THBS4: variants seen among roughly 807,000 people sequenced by gnomAD.
THBS4 encodes thrombospondin 4, also known as thrombospondin-4.
A neutral mutation model predicts 115.7 loss-of-function variants in THBS4; 90 were observed. The ratio of observed to expected loss-of-function variants is 0.78; its 90% CI spans 0.66 to 0.93. The LOEUF is 0.93. THBS4 is among the 40% of genes least tolerant of loss of function. The pLI, the probability that THBS4 is intolerant of heterozygous loss-of-function variation, is 0.00. For missense variants in THBS4, 1,087 were observed against 1,232.7 expected, an observed-to-expected ratio of 0.88 and a Z score of 1.77; for synonymous variants, 460 against 479.3, an observed-to-expected ratio of 0.96 and a Z score of 0.53.
intron 7 of THBS4, among the ~76,000 whole-genome samples, chr5:80,061,211 G>C (rs1027448809): frequency 6.6e-6 from 1 of 152,154 alleles, no homozygotes; most frequent in Non-Finnish European, 1.5e-5. Flanking sequence ...GAATAGCATG[G>C]ACTTGACAGG....
At chr5:80,058,921 C>T in intron 5 of THBS4, 131 bp downstream of exon 5, 4 of 807,686 alleles carry the variant, frequency 5.0e-6, no homozygotes, top group Non-Finnish European at 5.8e-6. Context: ...CCCACGCAGC[C>T]CCGCACGCCA....
rs779352172 is a variant in THBS4 at position 80,082,389 on chromosome 5, G to A, written c.2685-17G>A. On this transcript the variant is annotated splice_polypyrimidine_tract_variant and intron_variant, in intron 20 of 21. Coordinates refer to ENST00000350881, the MANE Select transcript of THBS4 (RefSeq NM_003248.6). The stretch of plus-strand genomic sequence containing the variant: ...GGTTGGATTTCATGGAGGCCCCTCC[G>A]GCCGTGTTGTCCGCAGGGTACGATT... 2.5e-5 allele frequency: 40 copies of A among 1,612,496 alleles called. No homozygotes were observed. Among genetic ancestry groups the A allele is most frequent in the South Asian group, 2.2e-4 (20 of 90,948 alleles).
chr5:79,997,188 A>G (rs1031626880), intron 1 of THBS4, among the ~76,000 whole-genome samples: 1 of 152,210 alleles, frequency 6.6e-6, no homozygotes, highest in Non-Finnish European at 1.5e-5. Flanking sequence ...TAAAATACCA[A>G]GACTTATTCT....
At chr5:80,050,180 A>G (rs1393401947) in intron 2 of THBS4, among the ~76,000 whole-genome samples, 2 of 152,204 alleles carry the variant, frequency 1.3e-5, no homozygotes, top group African/African-American at 4.8e-5. Flanking sequence ...CACCTTGCCC[A>G]CTGCCTACAC....
intron 20 of THBS4, 153 bp from the exon 21 acceptor site, chr5:80,082,253 C>A: frequency 2.0e-6 from 2 of 999,632 alleles, no homozygotes; most frequent in Non-Finnish European, 2.9e-6. Flanking sequence ...GTGGCAACAG[C>A]TACAGTACAA....
At chr5:80,013,688 AAC>A (rs1832191501) in intron 2 of THBS4, among the ~76,000 whole-genome samples, 2 of 152,034 alleles carry the variant, frequency 1.3e-5, no homozygotes, top group East Asian at 3.9e-4. Context: ...TCTGGGTTTA[AAC>A]CCCAGCTCTA....
At chr5:80,057,910 A>T (rs2112091316) in intron 3 of THBS4, among the ~76,000 whole-genome samples, 1 of 152,334 alleles carries the variant, frequency 6.6e-6, no homozygotes, top group East Asian at 1.9e-4. Flanking sequence ...AATTCTTAAG[A>T]GGCTCCTGCC....
chr5:80,027,507 T>G (rs1483245101), intron 2 of THBS4, among the ~76,000 whole-genome samples: 1 of 152,202 alleles, frequency 6.6e-6, no homozygotes, highest in Non-Finnish European at 1.5e-5. Context: ...GGAATTTTGT[T>G]GCCATTTATT....
At chr5:80,059,628 G>A in intron 6 of THBS4, 75 bp from the exon 7 acceptor site, 1 of 1,601,150 alleles carries the variant, frequency 6.2e-7, no homozygotes, top group South Asian at 1.1e-5. Context: ...AGTTCAATAG[G>A]AAACCAAATT....
intron 2 of THBS4, among the ~76,000 whole-genome samples, chr5:80,013,186 C>T (rs561448843): frequency 6.6e-6 from 1 of 152,278 alleles, no homozygotes; most frequent in Admixed American, 6.5e-5. Context: ...GTCACCCAGG[C>T]TGGAGTGCAA....
intron 3 of THBS4, among the ~76,000 whole-genome samples, chr5:80,057,074 A>C (rs1833456344): frequency 6.6e-6 from 1 of 152,202 alleles, no homozygotes; most frequent in Non-Finnish European, 1.5e-5. Context: ...TTTTTCAGTC[A>C]TATATAGAGA....
At chr5:80,003,628 CAAG>C (rs1458057138) in intron 2 of THBS4, among the ~76,000 whole-genome samples, 1 of 152,186 alleles carries the variant, frequency 6.6e-6, no homozygotes, top group Non-Finnish European at 1.5e-5. Context: ...GCAATTCCCT[CAAG>C]AAGAAAAGAA....
intron 13 of THBS4, 118 bp from the exon 14 acceptor site, chr5:80,072,160 G>T: frequency 1.2e-6 from 1 of 828,034 alleles, no homozygotes; most frequent in South Asian, 1.5e-5. Flanking sequence ...GCAGAAAAGG[G>T]TAGTCTCTGT....
chr5:80,075,646 C>T lies in THBS4; in HGVS notation c.1893-1209C>T, dbSNP rs573614202. ...GTCCCACCAGCCTCTAGATATTTGC[C>T]CAAAACAAATGACTCATTCTGCTAT... On this transcript the variant is annotated intron_variant, in intron 15 of 21. Transcript: ENST00000350881. 1.2e-4 allele frequency among the ~76,000 whole-genome samples: 19 copies of T among 152,306 alleles called. No homozygotes were observed. In the South Asian group the frequency reaches 2.9e-3, roughly 23 times the overall value.
At chr5:80,065,193 C>T (rs949806524) in intron 8 of THBS4, among the ~76,000 whole-genome samples, 1 of 152,074 alleles carries the variant, frequency 6.6e-6, no homozygotes, top group African/African-American at 2.4e-5. Flanking sequence ...TTCTGAATAA[C>T]TTTCAATACC....
At chr5:80,034,402 GAT>G (rs1200262448), upstream of THBS4, among the ~76,000 whole-genome samples, 3 of 152,192 alleles carry the variant, frequency 2.0e-5, no homozygotes, top group Non-Finnish European at 4.4e-5. Context: ...ACATAAAAGA[GAT>G]AGCAATACTT....
chr5:80,015,605 C>A (rs892819761), intron 2 of THBS4, among the ~76,000 whole-genome samples: 1 of 152,186 alleles, frequency 6.6e-6, no homozygotes, highest in East Asian at 1.9e-4. Flanking sequence ...TTCACTGGAA[C>A]AACATCATCC....
chr5:80,082,366 TTGGA>T, intron 20 of THBS4, 36 bp from the exon 21 acceptor site: 1 of 1,607,332 alleles, frequency 6.2e-7, no homozygotes, highest in Non-Finnish European at 8.5e-7. Context: ...TTACCCCGGG[TTGGA>T]TTTCATGGAG....
At chr5:80,033,121 C>T (rs140115791), upstream of THBS4, 46 of 297,172 alleles carry the variant, frequency 1.5e-4, no homozygotes, top group African/African-American at 9.6e-4. Context: ...GTAACATCAA[C>T]AAAAATACAC....
Sources: gnomAD v4.1 joint callset for allele counts (sites outside exome capture counted in the v4.1 genomes callset) on GRCh38, gnomAD v4.1.1 for gene constraint, MANE v1.5 for transcripts, NCBI Gene and HGNC (gene_info 2026-07-23, HGNC 2026-07-21) for gene names.